DMD: variants seen among roughly 807,000 people sequenced by gnomAD.
DMD encodes the protein dystrophin.
In DMD, 63 loss-of-function variants were observed where a neutral mutation model predicts 330.1. The ratio of observed to expected loss-of-function variants is 0.19; its 90% confidence interval spans 0.16 to 0.24. The LOEUF (loss-of-function observed/expected upper bound fraction) is 0.24. Among genes scored for constraint, DMD ranks in the 10% least tolerant of loss-of-function variants. DMD has a pLI of 1.00. For missense variants in DMD, 3,344 were observed against 2,684.1 expected (o/e 1.25, Z -5.43); for synonymous variants, 1,223 against 959.8 (o/e 1.27, Z -5.07).
At chrX:32,064,543 T>C (rs2096248277) in intron 44 of DMD, among the ~76,000 whole-genome samples, 3 of 111,742 alleles carry the variant, frequency 2.7e-5, no homozygotes, top group African/African-American at 9.7e-5. Flanking sequence ...TGAGCCATCA[T>C]GTCCTACTTC....
intron 1 of DMD, among the ~76,000 whole-genome samples, chrX:33,033,911 G>A (rs1056451855): frequency 6.3e-5 from 7 of 111,898 alleles, no homozygotes; most frequent in African/African-American, 1.9e-4. Flanking sequence ...AGCATTTTAA[G>A]TATAGTTTTA....
intron 11 of DMD, among the ~76,000 whole-genome samples, chrX:32,639,001 C>G (rs910871379): frequency 9.0e-6 from 1 of 111,304 alleles, no homozygotes; most frequent in African/African-American, 3.3e-5. Flanking sequence ...GTGTATCTAC[C>G]CAGATACTAT....
chrX:31,339,808 C>T (rs1450711442), intron 61 of DMD, among the ~76,000 whole-genome samples: 1 of 112,212 alleles, frequency 8.9e-6, no homozygotes, highest in Non-Finnish European at 1.9e-5. Context: ...CTCCTGACCT[C>T]AGGTGATCTG....
chrX:32,278,643 C>T (rs1158644548), intron 43 of DMD, among the ~76,000 whole-genome samples: 1 of 111,890 alleles, frequency 8.9e-6, no homozygotes, highest in African/African-American at 3.2e-5. Context: ...CTCACCATCA[C>T]TGGCCATCAG....
At chrX:31,420,978 C>G (rs1416939882) in intron 60 of DMD, among the ~76,000 whole-genome samples, 1 of 112,035 alleles carries the variant, frequency 8.9e-6, no homozygotes, top group African/African-American at 3.2e-5. Context: ...CACATGAAAT[C>G]CAAGGAATCA....
At chrX:31,748,397 C>A (rs1478798318) in intron 51 of DMD, among the ~76,000 whole-genome samples, 1 of 111,981 alleles carries the variant, frequency 8.9e-6, no homozygotes, top group African/African-American at 3.2e-5. Context: ...ACATTAGGAA[C>A]CTGAGAGATG....
chrX:32,442,720 G>A (rs2098286493), intron 27 of DMD, among the ~76,000 whole-genome samples: 1 of 110,049 alleles, frequency 9.1e-6, no homozygotes, highest in Non-Finnish European at 1.9e-5. Context: ...AGCCCTTTTT[G>A]TAGTAATCAA....
chrX:32,994,401 C>T (rs1034469545), intron 2 of DMD, among the ~76,000 whole-genome samples: 4 of 110,056 alleles, frequency 3.6e-5, no homozygotes, highest in African/African-American at 6.6e-5. Context: ...TAAAAAGAAT[C>T]CTGATTCTTT....
chrX:33,072,585 C>T (rs928852364), intron 1 of DMD, among the ~76,000 whole-genome samples: 1 of 111,366 alleles, frequency 9.0e-6, no homozygotes, highest in Non-Finnish European at 1.9e-5. Flanking sequence ...TTCTGAATCA[C>T]CTGTAAATGC....
At chrX:32,048,348 A>C (rs1316859276) in intron 44 of DMD, among the ~76,000 whole-genome samples, 1 of 105,737 alleles carries the variant, frequency 9.5e-6, no homozygotes, top group African/African-American at 3.4e-5. Flanking sequence ...CATGCTTTTA[A>C]ATTTTTTTTT....
chrX:32,135,662 G>C (rs765885068), intron 44 of DMD, among the ~76,000 whole-genome samples: 8 of 112,606 alleles, frequency 7.1e-5, no homozygotes, highest in Non-Finnish European at 1.5e-4. Flanking sequence ...GGTTGAGGCA[G>C]TGAGCCATGA....
At chrX:32,135,548 C>T (rs1036968275) in intron 44 of DMD, among the ~76,000 whole-genome samples, 2 of 111,210 alleles carry the variant, frequency 1.8e-5, no homozygotes, top group African/African-American at 6.6e-5. Context: ...TGGTGAAACA[C>T]CATCTCTAAA....
chrX:33,096,250 T>A (rs773528662), intron 1 of DMD, among the ~76,000 whole-genome samples: 28 of 110,492 alleles, frequency 2.5e-4, no homozygotes, highest in African/African-American at 4.9e-4. Context: ...CTGGGATTAC[T>A]GGCGTGAGCC....
chrX:32,567,809 AGCTGAGAG>A, intron 15 of DMD, among the ~76,000 whole-genome samples: 1 of 112,249 alleles, frequency 8.9e-6, no homozygotes, highest in Non-Finnish European at 1.9e-5. Flanking sequence ...ACCTGTCCCA[AGCTGAGAG>A]CCATATTTGA....
At chrX:32,959,890 G>A (rs952309084) in intron 2 of DMD, among the ~76,000 whole-genome samples, 2 of 111,757 alleles carry the variant, frequency 1.8e-5, no homozygotes, top group African/African-American at 6.5e-5. Flanking sequence ...AACTATGACT[G>A]TGAAATTAAT....
At chrX:31,574,004 G>C (rs1272813145) in intron 55 of DMD, among the ~76,000 whole-genome samples, 1 of 111,175 alleles carries the variant, frequency 9.0e-6, no homozygotes, top group African/African-American at 3.3e-5. Flanking sequence ...ACCAGACCTG[G>C]AGTGATTGAG....
chrX:32,755,556 G>A (rs1198163528), intron 7 of DMD, among the ~76,000 whole-genome samples: 4 of 111,819 alleles, frequency 3.6e-5, no homozygotes, highest in Non-Finnish European at 7.5e-5. Context: ...TCTTTGAGGA[G>A]TAATACATGT....
chrX:31,467,844 C>T (rs2066969678), intron 59 of DMD, among the ~76,000 whole-genome samples: 1 of 111,602 alleles, frequency 9.0e-6, no homozygotes. Context: ...AATTTCAGAA[C>T]TCGTTATTGG....
intron 61 of DMD, among the ~76,000 whole-genome samples, chrX:31,337,718 T>A (rs1244344833): frequency 8.9e-6 from 1 of 111,899 alleles, no homozygotes; most frequent in Non-Finnish European, 1.9e-5. Context: ...AGTGCCCATG[T>A]TATAAAACTG....
Sources: allele counts gnomAD v4.1 joint callset (sites outside exome capture counted in the v4.1 genomes callset), GRCh38; gene constraint gnomAD v4.1.1; transcripts MANE v1.5; gene names NCBI Gene and HGNC (gene_info 2026-07-23, HGNC 2026-07-21).